PCLO: variants seen among roughly 807,000 people sequenced by gnomAD.
PCLO encodes the protein piccolo presynaptic cytomatrix protein, also known as protein piccolo.
In PCLO, 82 loss-of-function variants were observed where a neutral mutation model predicts 427.5. The observed-to-expected ratio is 0.19, with a 90% CI of 0.16 to 0.23. The LOEUF (loss-of-function observed/expected upper bound fraction) is 0.23. PCLO is among the 10% of genes least tolerant of loss of function. The probability of loss-of-function intolerance (pLI) is 1.00; values close to 1 mark genes in which losing one functional copy is unlikely to be tolerated. For missense variants in PCLO, 6,239 were observed against 6,115.9 expected (o/e 1.02, Z -0.67); for synonymous variants, 2,357 against 2,155.4 (o/e 1.09, Z -2.59).
chr7:83,017,593 TTTA>T (rs1358841865), intron 3 of PCLO, among the ~76,000 whole-genome samples: 1 of 152,034 alleles, frequency 6.6e-6, no homozygotes, highest in Non-Finnish European at 1.5e-5. Flanking sequence ...TTATTTTAAA[TTTA>T]TTATTTTAGC....
In PCLO at chr7:83,038,015, AT is replaced by A. The variant is rs1788847715; in HGVS notation, c.3301-71529del. On this transcript the variant is annotated intron_variant, in intron 3 of 24. Coordinates refer to ENST00000333891, the MANE Select transcript of PCLO (RefSeq NM_033026.6). ...TATATATATATATATATATATATAT[AT>A]ATATATATATATATTTATATATTTA... Among the ~76,000 whole-genome samples the A allele has an allele frequency of 6.3e-5, 3 of 47,918 alleles. 1 individual carries two copies. Among genetic ancestry groups the A allele is most frequent in the African/African-American group, 4.4e-4 (3 of 6,826 alleles). 31.4% of individuals were successfully genotyped at this position (47,918 alleles called of 152,430 possible). A position where few individuals can be genotyped will look rare whatever the true frequency, so the allele number is the denominator to read the frequency against.
intron 16 of PCLO, among the ~76,000 whole-genome samples, chr7:82,830,566 A>G (rs1479833861): frequency 6.6e-6 from 1 of 152,056 alleles, no homozygotes; most frequent in Non-Finnish European, 1.5e-5. Context: ...CATAGGAAAC[A>G]AACACATGGT....
chr7:82,848,332 A>ATTTTG (rs977004495), intron 10 of PCLO, among the ~76,000 whole-genome samples: 19 of 120,184 alleles, frequency 1.6e-4, no homozygotes, highest in East Asian at 2.9e-4. Context: ...TTTTTTTTTA[A>ATTTTG]ACAGGTCCCA....
chr7:83,134,814 A>G lies in PCLO; in HGVS notation c.2736T>C (p.Ile912=), dbSNP rs938101122. Residue 912 remains isoleucine, a synonymous_variant, in exon 3 of 25, where the codon ATT becomes ATC. Transcript: ENST00000333891. The part of the protein sequence containing the change: ...SRRFSLNLGS[I]TDAPKSQPTT... ...TAGGCTGTGATTTGGGGGCATCAGT[A>G]ATACTTCCCAGATTCAGACTGAAAC... 6.2e-7 allele frequency: 1 copy of G among 1,613,702 alleles called. No homozygotes were observed. Among genetic ancestry groups the G allele is most frequent in the Admixed American group, 1.7e-5 (1 of 60,000 alleles).
rs1790296531 is a variant in PCLO at position 82,755,365 on chromosome 7, T to C, written c.*3210A>G. ...ATAAAGAGTTCAGAGTCACCAAAAA[T>C]CTTCTTAATCTTAAGTAAAAACAGA... On this transcript the variant is annotated 3_prime_UTR_variant, in exon 25 of 25. Transcript: ENST00000333891. 6.6e-6 allele frequency: 1 copy of C among 152,132 alleles called. No individual in the cohort carries two copies. The highest frequency in any genetic ancestry group is 1.5e-5 in the Non-Finnish European group (1 of 68,016). The allele number at this position is 152,132 out of a possible 1,614,324, so 9.4% of individuals were successfully genotyped here. A position where few individuals can be genotyped will look rare whatever the true frequency, so the allele number is the denominator to read the frequency against.
intron 16 of PCLO, 29 bp downstream of exon 16, chr7:82,835,638 G>A: frequency 6.3e-7 from 1 of 1,592,952 alleles, no homozygotes; most frequent in Non-Finnish European, 8.6e-7. Flanking sequence ...TAGCAGCAGA[G>A]CTTGACACTG....
chr7:82,918,047 A>G (rs913230310), intron 6 of PCLO, among the ~76,000 whole-genome samples: 2 of 152,008 alleles, frequency 1.3e-5, no homozygotes, highest in African/African-American at 4.8e-5. Flanking sequence ...ATATGAAACA[A>G]AATCCTAAAG....
intron 3 of PCLO, among the ~76,000 whole-genome samples, chr7:82,984,160 C>T (rs543413538): frequency 6.7e-6 from 1 of 148,484 alleles, no homozygotes; most frequent in South Asian, 2.1e-4. Context: ...AATTTCAATA[C>T]TTAACTAATC....
chr7:82,791,021 A>T (rs1791090249), intron 22 of PCLO, among the ~76,000 whole-genome samples: 1 of 152,148 alleles, frequency 6.6e-6, no homozygotes. Context: ...TTATTACTTG[A>T]TTCAAACATA....
chr7:83,083,210 T>C (rs894492262), intron 3 of PCLO, among the ~76,000 whole-genome samples: 9 of 151,982 alleles, frequency 5.9e-5, no homozygotes, highest in Non-Finnish European at 1.3e-4. Context: ...CTGAAATAGA[T>C]AATGTTACAA....
intron 3 of PCLO, among the ~76,000 whole-genome samples, chr7:83,091,574 T>C (rs1353985005): frequency 6.6e-6 from 1 of 152,160 alleles, no homozygotes; most frequent in African/African-American, 2.4e-5. Context: ...CAACTGCCAA[T>C]TTGTATGAGT....
At chr7:82,899,814 GATAA>G (rs1381281873) in intron 9 of PCLO, among the ~76,000 whole-genome samples, 4 of 151,418 alleles carry the variant, frequency 2.6e-5, no homozygotes. Flanking sequence ...GAGTAGGAAA[GATAA>G]ATAATAAGGT....
At chr7:82,766,534 A>G (rs1266430007) in intron 22 of PCLO, among the ~76,000 whole-genome samples, 1 of 152,192 alleles carries the variant, frequency 6.6e-6, no homozygotes. Context: ...AGAGGTTTCT[A>G]ACATGGAAGG....
Position 82,954,097 on chromosome 7 carries a change from C to T in PCLO, c.6856G>A (p.Ala2286Thr), listed in dbSNP as rs760847351. Residue 2286 changes from alanine (A) to threonine (T), a missense_variant, in exon 5 of 25, where the codon GCT becomes ACT. Transcript: ENST00000333891. ...AGTAAGTCAGTAGAAACAGTGTCAG[C>T]AACTGGCCCTTCAGGTTTAGGTACT... ...SVVPKPEGPV[A>T]DTVSTDLLIS... 3.1e-6 allele frequency: 5 copies of T among 1,613,848 alleles called. No homozygotes were observed. Among genetic ancestry groups the T allele is most frequent in the Non-Finnish European group, 4.2e-6 (5 of 1,179,828 alleles).
chr7:82,928,081 G>A (rs985420007), intron 6 of PCLO, among the ~76,000 whole-genome samples: 1 of 152,168 alleles, frequency 6.6e-6, no homozygotes, highest in Non-Finnish European at 1.5e-5. Context: ...CTTTGTGGGT[G>A]AGTAGAGAAA....
intron 3 of PCLO, among the ~76,000 whole-genome samples, chr7:83,028,944 T>C (rs1476942134): frequency 6.6e-5 from 10 of 151,990 alleles, no homozygotes; most frequent in African/African-American, 9.7e-5. Flanking sequence ...TTACACCTTA[T>C]ACAAAAATCA....
intron 20 of PCLO, chr7:82,821,493 T>C (rs1374416291): frequency 1.0e-6 from 1 of 985,164 alleles, no homozygotes; most frequent in Non-Finnish European, 1.2e-6. Flanking sequence ...ACTAGGGAGA[T>C]GGAGAGAACA....
At chr7:82,900,293 T>C (rs952621372) in intron 9 of PCLO, among the ~76,000 whole-genome samples, 4 of 151,658 alleles carry the variant, frequency 2.6e-5, no homozygotes, top group African/African-American at 9.7e-5. Flanking sequence ...CAAGGAACAA[T>C]AGCAATTACA....
intron 3 of PCLO, among the ~76,000 whole-genome samples, chr7:83,009,544 C>T (rs1179435145): frequency 2.6e-5 from 4 of 151,854 alleles, no homozygotes; most frequent in Admixed American, 6.6e-5. Context: ...CCTGAAAGTA[C>T]ATAATGAAAT....
Sources: allele counts gnomAD v4.1 joint callset (sites outside exome capture counted in the v4.1 genomes callset), GRCh38; gene constraint gnomAD v4.1.1; transcripts MANE v1.5; gene names NCBI Gene and HGNC (gene_info 2026-07-23, HGNC 2026-07-21).